The following CDH4 variants were observed in gnomAD, a reference collection of about 807,000 sequenced individuals.
CDH4 encodes cadherin 4, also known as cadherin-4.
In CDH4, 33 loss-of-function variants were observed where a neutral mutation model predicts 86.0. The ratio of observed to expected loss-of-function variants is 0.38; its 90% CI spans 0.29 to 0.51. The LOEUF (loss-of-function observed/expected upper bound fraction) is 0.51, where lower values mean the gene tolerates loss of function less well. CDH4 is among the 20% of genes least tolerant of loss of function. The pLI is 0.86. For missense variants in CDH4, 1,114 were observed against 1,307.4 expected (o/e 0.85, Z 2.28); for synonymous variants, 555 against 549.4 (o/e 1.01, Z -0.14).
intron 2 of CDH4, among the ~76,000 whole-genome samples, chr20:61,619,586 C>A (rs1405451255): frequency 1.3e-5 from 2 of 152,222 alleles, no homozygotes; most frequent in East Asian, 3.9e-4. Flanking sequence ...GTTTCCAGGA[C>A]AGAGCGATGT....
chr20:61,655,006 G>A (rs2087172124), intron 2 of CDH4, among the ~76,000 whole-genome samples: 2 of 152,256 alleles, frequency 1.3e-5, no homozygotes, highest in Non-Finnish European at 2.9e-5. Context: ...GGCTGCTGTG[G>A]GGAGGAGGCG....
At position 61,928,341 on chromosome 20, in the gene CDH4, C is replaced by G. The variant is rs758029962; in HGVS notation, c.1923C>G (p.Asp641Glu). Residue 641 changes from aspartate to glutamate, a missense_variant, in exon 12 of 16, where the codon GAC (aspartate) becomes GAG (glutamate). Transcript: ENST00000614565. ...INITAADADV[D>E]PNIGPYVFEL... ...TCACGGCGGCCGACGCTGACGTCGA[C>G]CCCAACATCGGCCCCTACGTCTTCG... The G allele has an allele frequency of 4.3e-6, 7 of 1,611,390 alleles. No individual in the cohort carries two copies. The highest frequency in any genetic ancestry group is 5.1e-6 in the Non-Finnish European group (6 of 1,180,018).
chr20:61,441,790 A>G (rs1459595814), intron 2 of CDH4, among the ~76,000 whole-genome samples: 2 of 152,180 alleles, frequency 1.3e-5, no homozygotes, highest in Non-Finnish European at 1.5e-5. Context: ...TCCATGGCTC[A>G]TAAATGACCC....
At chr20:61,881,673 G>A (rs532471741) in intron 7 of CDH4, among the ~76,000 whole-genome samples, 2 of 152,200 alleles carry the variant, frequency 1.3e-5, no homozygotes, top group African/African-American at 4.8e-5. Context: ...AGGAGGGGGC[G>A]GCACGTGGGG....
At chr20:61,692,627 G>A (rs900822173) in intron 2 of CDH4, among the ~76,000 whole-genome samples, 21 of 152,302 alleles carry the variant, frequency 1.4e-4, no homozygotes, top group African/African-American at 4.1e-4. Context: ...ATCTGTGTCC[G>A]TGCGAGCAAA....
intron 2 of CDH4, among the ~76,000 whole-genome samples, chr20:61,296,296 TGC>T (rs1174949063): frequency 0.023 from 3,471 of 149,630 alleles, 151 homozygotes; most frequent in African/African-American, 0.08. Context: ...TGTGTGTGTG[TGC>T]GTGGGTGCGT....
intron 2 of CDH4, among the ~76,000 whole-genome samples, chr20:61,537,264 A>C (rs891331988): frequency 7.3e-6 from 1 of 136,176 alleles, no homozygotes; most frequent in Non-Finnish European, 1.5e-5. Flanking sequence ...TTAGAGGTCT[A>C]ATATTTGAAA....
chr20:61,867,163 G>A (rs1284510708), intron 6 of CDH4, among the ~76,000 whole-genome samples: 1 of 152,256 alleles, frequency 6.6e-6, no homozygotes, highest in Admixed American at 6.5e-5. Context: ...CTGAGCCTGG[G>A]ATTTTGAAGC....
chr20:61,844,647 C>A, intron 4 of CDH4, 21 bp from the exon 5 acceptor site: 1 of 1,599,640 alleles, frequency 6.3e-7, no homozygotes, highest in South Asian at 1.1e-5. Flanking sequence ...AACCTCTTCT[C>A]GCTTTGCTCC....
chr20:61,654,297 C>T (rs964692405), intron 2 of CDH4, among the ~76,000 whole-genome samples: 9 of 152,172 alleles, frequency 5.9e-5, no homozygotes, highest in Non-Finnish European at 1.2e-4. Flanking sequence ...TGGTGGCACG[C>T]GCCTGCAATC....
In CDH4 at chr20:61,895,002, G is replaced by A. The variant is rs145754297; in HGVS notation, c.1143G>A (p.Thr381=). 1.9e-5 allele frequency: 31 copies of A among 1,613,778 alleles called. No individual in the cohort carries two copies. The East Asian group carries it at 2.9e-4, about 15-fold the overall frequency. ...CAAACACAGCCACAGCCATCATCAC[G>A]GTGACAGATGTGAATGACAACCCGC... ...GLSNTATAII[T]VTDVNDNPPE... Residue 381 remains threonine (T), a synonymous_variant, in exon 8 of 16, where the codon ACG becomes ACA. Coordinates refer to ENST00000614565, the MANE Select transcript of CDH4 (RefSeq NM_001794.5).
intron 11 of CDH4, among the ~76,000 whole-genome samples, chr20:61,925,795 C>G (rs1765112613): frequency 6.6e-6 from 1 of 152,176 alleles, no homozygotes; most frequent in South Asian, 2.1e-4. Flanking sequence ...CCCAGAATGG[C>G]TGCTGGAGCT....
chr20:61,886,449 G>T (rs555418715), intron 7 of CDH4, among the ~76,000 whole-genome samples: 1 of 152,224 alleles, frequency 6.6e-6, no homozygotes, highest in South Asian at 2.1e-4. Context: ...ACTTGAAAAT[G>T]GCCAAATCAC....
intron 2 of CDH4, among the ~76,000 whole-genome samples, chr20:61,334,390 G>A (rs1252012229): frequency 3.3e-5 from 5 of 152,182 alleles, no homozygotes; most frequent in Non-Finnish European, 7.3e-5. Flanking sequence ...ACAGCAGTGG[G>A]TGGTGCAGTG....
rs1334175084 is a variant in CDH4 at position 61,417,418 on chromosome 20, T to A, written c.169+162481T>A. Among the ~76,000 whole-genome samples the A allele has an allele frequency of 6.6e-6, 1 of 152,126 alleles. No individual in the cohort carries two copies. Among genetic ancestry groups the A allele is most frequent in the African/African-American group, 2.4e-5 (1 of 41,426 alleles). On this transcript the variant is annotated intron_variant, in intron 2 of 15. Coordinates refer to ENST00000614565, the MANE Select transcript of CDH4 (RefSeq NM_001794.5). The surrounding 1 kb of genome is among the most constrained non-coding windows in gnomAD (Gnocchi z 4.0). ...GTCACCTATTCCACCTTGAGCCAGC[T>A]GTGGGGTGTGGGGCCCGAGTGCCAG... is the stretch of plus-strand genomic sequence containing the variant.
At chr20:61,385,926 G>A (rs570188791) in intron 2 of CDH4, among the ~76,000 whole-genome samples, 1 of 152,302 alleles carries the variant, frequency 6.6e-6, no homozygotes, top group East Asian at 1.9e-4. Flanking sequence ...TGCATCATGT[G>A]GGTAAGGATT....
rs529582099 is a variant in CDH4 at position 61,891,315 on chromosome 20, C to G, written c.1051-3595C>G. On this transcript the variant is annotated intron_variant, in intron 7 of 15. Transcript: ENST00000614565. ...TGTCCCATTTTACAGAGGGGGCTGC[C>G]AAATACAGGAGGCCAAGGTTGCTGA... Among the ~76,000 whole-genome samples, 7 of 152,292 alleles carry G rather than the reference C, an allele frequency of 4.6e-5. No homozygotes were observed. The East Asian group carries it at 1.4e-3, about 29-fold the overall frequency.
At chr20:61,493,962 A>C (rs2085642146) in intron 2 of CDH4, among the ~76,000 whole-genome samples, 1 of 152,162 alleles carries the variant, frequency 6.6e-6, no homozygotes, top group South Asian at 2.1e-4. Context: ...CCCTGAAGCA[A>C]GACCTGAACA....
chr20:61,319,697 G>C (rs1017972132), intron 2 of CDH4, among the ~76,000 whole-genome samples: 22 of 151,990 alleles, frequency 1.4e-4, no homozygotes, highest in Admixed American at 1.2e-3. Flanking sequence ...TGTAATCCCA[G>C]CACTTTGGGA....
Sources: gnomAD v4.1 joint callset for allele counts (sites outside exome capture counted in the v4.1 genomes callset) on GRCh38, gnomAD v4.1.1 for gene constraint, Gnocchi (gnomAD v3.1) non-coding constraint, MANE v1.5 for transcripts, NCBI Gene and HGNC (gene_info 2026-07-23, HGNC 2026-07-21) for gene names.